CPNE4: variants seen among roughly 807,000 people sequenced by gnomAD.
CPNE4 encodes copine 4, also known as copine-4.
CPNE4 carries 25 observed loss-of-function variants against 67.9 expected under a neutral mutation model. That is an observed-to-expected ratio of 0.37 (90% CI 0.27 to 0.51). The LOEUF is 0.51. Ranked by LOEUF, CPNE4 falls within the 20% of genes least tolerant of loss-of-function variation. CPNE4 has a pLI of 0.93. For missense variants in CPNE4, 464 were observed against 690.8 expected, an observed-to-expected ratio of 0.67 and a Z score of 3.68; for synonymous variants, 242 against 244.9, an observed-to-expected ratio of 0.99 and a Z score of 0.11.
chr3:131,739,866 T>C (rs1583114779), intron 2 of CPNE4, among the ~76,000 whole-genome samples: 1 of 152,322 alleles, frequency 6.6e-6, no homozygotes, highest in African/African-American at 2.4e-5. Flanking sequence ...GTTTTTCTGT[T>C]CCAGGTTTTT....
rs546936280 is a variant in CPNE4 at position 131,657,885 on chromosome 3, TC to T, written c.681+11789del. ...GGCCGAATTATCTATATTTTTAAGA[TC>T]AAGCACCTTATTAACTTAATCAGAT... On this transcript the variant is annotated intron_variant, in intron 7 of 15. Coordinates refer to ENST00000429747, the MANE Select transcript of CPNE4 (RefSeq NM_130808.3). Among the ~76,000 whole-genome samples, 6 of 152,052 alleles carry T rather than the reference TC, an allele frequency of 3.9e-5. No individual in the cohort carries two copies. In the South Asian group the frequency reaches 1.2e-3, roughly 32 times the overall value.
At chr3:132,023,229 T>C (rs1231396959) in intron 1 of CPNE4, among the ~76,000 whole-genome samples, 2 of 152,194 alleles carry the variant, frequency 1.3e-5, no homozygotes, top group African/African-American at 4.8e-5. Context: ...CTTGCTTTAA[T>C]GAGGCAGCAG....
At chr3:131,984,610 T>C (rs1484747900) in intron 1 of CPNE4, among the ~76,000 whole-genome samples, 1 of 152,200 alleles carries the variant, frequency 6.6e-6, no homozygotes, top group Non-Finnish European at 1.5e-5. Flanking sequence ...TGTCCCTTTT[T>C]CCCTGAACGA....
intron 11 of CPNE4, 89 bp from the exon 12 acceptor site, chr3:131,555,640 G>T: frequency 8.7e-7 from 1 of 1,148,166 alleles, no homozygotes. Context: ...ACATTACTAG[G>T]TTGCTAGGCC....
intron 2 of CPNE4, among the ~76,000 whole-genome samples, chr3:131,750,556 GA>G (rs1396110299): frequency 5.3e-5 from 8 of 152,096 alleles, no homozygotes; most frequent in African/African-American, 1.9e-4. Context: ...TGACATAATG[GA>G]AACTTTACTT....
At chr3:131,595,477 A>G (rs1938787778) in intron 7 of CPNE4, among the ~76,000 whole-genome samples, 1 of 152,218 alleles carries the variant, frequency 6.6e-6, no homozygotes, top group Non-Finnish European at 1.5e-5. Context: ...GTAATTTACA[A>G]AGAAAAGAGG....
At chr3:131,792,621 A>ATATG (rs2083761377) in intron 2 of CPNE4, among the ~76,000 whole-genome samples, 2 of 60,884 alleles carry the variant, frequency 3.3e-5, no homozygotes, top group Non-Finnish European at 3.3e-5. Context: ...GTATATATGT[A>ATATG]TATATATATA....
chr3:131,632,442 C>T (rs1156633681), intron 7 of CPNE4, among the ~76,000 whole-genome samples: 1 of 152,154 alleles, frequency 6.6e-6, no homozygotes, highest in Non-Finnish European at 1.5e-5. Context: ...CAGCGTCAGA[C>T]TTTTGCCAAC....
In CPNE4 at chr3:131,549,987, G is replaced by A. The variant is rs1233653243; in HGVS notation, c.1262C>T (p.Ala421Val). The A allele has an allele frequency of 6.2e-7, 1 of 1,613,196 alleles. No homozygotes were observed. The highest frequency in any genetic ancestry group is 1.1e-5 in the South Asian group (1 of 91,046). Residue 421 changes from alanine (A) to valine (V), a missense_variant, in exon 14 of 16, where the codon GCC (alanine) becomes GTC (valine). Physicochemically the swap from Ala to Val is moderately conservative, Grantham distance 64 (BLOSUM62 0). Around this residue, in one of 6 missense-constraint regions of CPNE4, gnomAD observed 201 missense variants for 357.7 expected, o/e 0.56. Coordinates refer to ENST00000429747, the MANE Select transcript of CPNE4 (RefSeq NM_130808.3). ...GTTAGTTTCCTCTGACGCTGACTTGGCAACCTTCTGGATGATGGGGGCAAT... is the reference window on the plus strand; with the variant it reads ...GTTAGTTTCCTCTGACGCTGACTTGACAACCTTCTGGATGATGGGGGCAAT... ...TNIAPIIQKV[A>V]KSASEETNTK...
At chr3:131,760,231 T>C (rs965239298) in intron 2 of CPNE4, among the ~76,000 whole-genome samples, 3 of 152,196 alleles carry the variant, frequency 2.0e-5, no homozygotes, top group Admixed American at 6.5e-5. Context: ...TAGGAGTTTG[T>C]CTGAATTATG....
At chr3:131,981,991 C>T (rs745739304) in intron 1 of CPNE4, among the ~76,000 whole-genome samples, 58 of 152,118 alleles carry the variant, frequency 3.8e-4, no homozygotes, top group Non-Finnish European at 5.4e-4. Flanking sequence ...CTCTGGGGAT[C>T]GCTGGTTTGT....
At chr3:131,988,813 C>T (rs1011325355) in intron 1 of CPNE4, among the ~76,000 whole-genome samples, 2 of 152,154 alleles carry the variant, frequency 1.3e-5, no homozygotes, top group South Asian at 4.1e-4. Context: ...GACAATGATA[C>T]CTCTTTTTCC....
intron 2 of CPNE4, among the ~76,000 whole-genome samples, chr3:131,884,324 G>A (rs2087794356): frequency 6.6e-6 from 1 of 152,176 alleles, no homozygotes; most frequent in African/African-American, 2.4e-5. Flanking sequence ...ATATTTATTA[G>A]AGTTGTAAAA....
chr3:131,572,295 G>T (rs1022994078), intron 10 of CPNE4, among the ~76,000 whole-genome samples: 2 of 152,056 alleles, frequency 1.3e-5, no homozygotes, highest in Non-Finnish European at 2.9e-5. Context: ...ATGTGGAAAA[G>T]GTTAATGGAA....
At position 132,034,921 on chromosome 3, in the gene CPNE4, A is replaced by C; in HGVS notation, c.-356T>G. 9.1e-6 allele frequency: 9 copies of C among 985,056 alleles called. No individual in the cohort carries two copies. Among genetic ancestry groups the C allele is most frequent in the Non-Finnish European group, 1.1e-5 (9 of 829,910 alleles). 61.0% of individuals were successfully genotyped at this position (985,056 alleles called of 1,614,324 possible). ...AAGAGGGAGGGAGTGGAGTGGAGCGAGGGAGGAAGGAAAGGAGGGTGGCAG... is the reference window on the plus strand; with the variant it reads ...AAGAGGGAGGGAGTGGAGTGGAGCGCGGGAGGAAGGAAAGGAGGGTGGCAG... On this transcript the variant is annotated 5_prime_UTR_variant, in exon 1 of 16. Coordinates refer to ENST00000429747, the MANE Select transcript of CPNE4 (RefSeq NM_130808.3).
intron 14 of CPNE4, 46 bp downstream of exon 14, chr3:131,549,901 G>A: frequency 1.2e-6 from 2 of 1,605,646 alleles, no homozygotes; most frequent in Non-Finnish European, 1.7e-6. Context: ...ATATCCAGGT[G>A]AGGAAGAGTA....
At chr3:131,691,178 G>A (rs144803462) in intron 5 of CPNE4, among the ~76,000 whole-genome samples, 29 of 152,172 alleles carry the variant, frequency 1.9e-4, no homozygotes, top group African/African-American at 6.3e-4. Context: ...CAGAACTACC[G>A]TTCAACCCAG....
At chr3:131,773,429 A>C (rs1371831801) in intron 2 of CPNE4, among the ~76,000 whole-genome samples, 1 of 151,906 alleles carries the variant, frequency 6.6e-6, no homozygotes, top group Non-Finnish European at 1.5e-5. Context: ...CTCACTTCAC[A>C]CTCTGCCTCC....
intron 1 of CPNE4, among the ~76,000 whole-genome samples, chr3:131,987,259 CTGAA>C (rs1481907063): frequency 4.6e-5 from 7 of 152,060 alleles, no homozygotes; most frequent in Non-Finnish European, 2.9e-5. Flanking sequence ...AGAGTATTGA[CTGAA>C]AAGAAGAAGG....
Sources: allele counts gnomAD v4.1 joint callset (sites outside exome capture counted in the v4.1 genomes callset), GRCh38; gene constraint gnomAD v4.1.1; regional missense constraint gnomAD v4.1.1; transcripts MANE v1.5; gene names NCBI Gene and HGNC (gene_info 2026-07-23, HGNC 2026-07-21).